The following RGS6 variants were observed in gnomAD, a reference collection of about 807,000 sequenced individuals.
RGS6 encodes regulator of G-protein signaling 6.
A neutral mutation model predicts 78.5 loss-of-function variants in RGS6; 30 were observed. That is an observed-to-expected ratio of 0.38 (90% CI 0.29 to 0.52). The LOEUF (loss-of-function observed/expected upper bound fraction) is 0.52. Among genes scored for constraint, RGS6 ranks in the 20% least tolerant of loss-of-function variants. The pLI is 0.85. For missense variants in RGS6, 495 were observed against 609.7 expected, an observed-to-expected ratio of 0.81 and a Z score of 1.98; for synonymous variants, 206 against 206.0, an observed-to-expected ratio of 1.00 and a Z score of 0.00.
At chr14:71,943,925 G>T (rs1244632169) in intron 1 of RGS6, among the ~76,000 whole-genome samples, 1 of 152,136 alleles carries the variant, frequency 6.6e-6, no homozygotes, top group African/African-American at 2.4e-5. Flanking sequence ...GAGTGTGGAT[G>T]CAAGGTGCAC....
At chr14:72,622,351 G>A in the RGS6 span, among the ~76,000 whole-genome samples, 1 of 152,130 alleles carries the variant, frequency 6.6e-6, no homozygotes, top group Admixed American at 6.5e-5. Flanking sequence ...ATGAAGACGA[G>A]CACACTGTAG....
At chr14:71,887,312 A>G in the RGS6 span, among the ~76,000 whole-genome samples, 3 of 152,208 alleles carry the variant, frequency 2.0e-5, no homozygotes, top group Non-Finnish European at 4.4e-5. Context: ...ATATGAAGTC[A>G]GCGCACCTTG....
intron 2 of RGS6, among the ~76,000 whole-genome samples, chr14:72,041,857 G>A (rs1047308284): frequency 6.6e-6 from 1 of 151,962 alleles, no homozygotes; most frequent in Admixed American, 6.5e-5. Flanking sequence ...TCACCTCCCA[G>A]GAAGATCAAA....
intron 3 of RGS6, among the ~76,000 whole-genome samples, chr14:72,449,234 T>A (rs1031949147): frequency 6.6e-6 from 1 of 152,204 alleles, no homozygotes. Flanking sequence ...AAAGAAAGTG[T>A]CTTTCCCCAA....
chr14:72,190,419 G>C (rs1020775464), intron 2 of RGS6, among the ~76,000 whole-genome samples: 1 of 152,198 alleles, frequency 6.6e-6, no homozygotes, highest in Non-Finnish European at 1.5e-5. Context: ...TGTGTTGTTG[G>C]AGACAGCTTT....
rs115003236 is a variant in RGS6 at position 72,083,847 on chromosome 14, T to C, written c.84+118972T>C. Among the ~76,000 whole-genome samples, 737 of 152,264 alleles carry C rather than the reference T, an allele frequency of 4.8e-3. 11 individuals carry two copies. Among genetic ancestry groups the C allele is most frequent in the African/African-American group, 0.017 (716 of 41,564 alleles). The stretch of plus-strand genomic sequence containing the variant: ...TGGGGAAAATGGCACGAATTAAACA[T>C]TGATTGCCCATCAGTCTTGTACTTG... On this transcript the variant is annotated intron_variant, in intron 2 of 17. Transcript: ENST00000553525.
intron 1 of RGS6, among the ~76,000 whole-genome samples, chr14:71,939,399 T>G (rs902432715): frequency 6.6e-6 from 1 of 152,174 alleles, no homozygotes; most frequent in Admixed American, 6.5e-5. Flanking sequence ...CTGGATCCAA[T>G]CAGCATAACG....
intron 2 of RGS6, among the ~76,000 whole-genome samples, chr14:71,994,042 G>C (rs918503783): frequency 1.3e-5 from 2 of 151,452 alleles, no homozygotes; most frequent in African/African-American, 2.4e-5. Flanking sequence ...GCCAATTCAG[G>C]GTTCTGCAAA....
intron 2 of RGS6, among the ~76,000 whole-genome samples, chr14:72,192,379 A>G (rs1042824913): frequency 6.7e-4 from 102 of 152,330 alleles, no homozygotes; most frequent in African/African-American, 2.4e-3. Flanking sequence ...AAAAGAAGCC[A>G]AGGAGGAAAG....
intron 17 of RGS6, among the ~76,000 whole-genome samples, chr14:72,559,049 C>T (rs1427682443): frequency 6.6e-6 from 1 of 152,212 alleles, no homozygotes; most frequent in African/African-American, 2.4e-5. Context: ...CCTGCTTCCT[C>T]TGTAACTATG....
At chr14:72,092,996 C>T (rs1374264079) in intron 2 of RGS6, among the ~76,000 whole-genome samples, 2 of 151,848 alleles carry the variant, frequency 1.3e-5, no homozygotes, top group African/African-American at 2.4e-5. Context: ...CTTAGACTTG[C>T]CTTGTTTCCA....
chr14:72,412,837 T>A lies in RGS6; in HGVS notation c.185-41691T>A, dbSNP rs544019567. ...CATTTTGTTATGTACCCAGTAGTCA[T>A]TCAGGAGCAGGTTGTTCAGTTTCCA... On this transcript the variant is annotated intron_variant, in intron 3 of 17. Transcript: ENST00000553525. Among the ~76,000 whole-genome samples, 363 of 152,332 alleles carry A rather than the reference T, an allele frequency of 2.4e-3. 1 individual carries two copies. The highest frequency in any genetic ancestry group is 4.2e-3 in the Non-Finnish European group (289 of 68,040).
intron 2 of RGS6, among the ~76,000 whole-genome samples, chr14:72,263,225 A>G (rs958855979): frequency 7.9e-5 from 12 of 152,250 alleles, no homozygotes; most frequent in Admixed American, 3.9e-4. Context: ...GTATAATTGT[A>G]TAATTGATAG....
intron 2 of RGS6, among the ~76,000 whole-genome samples, chr14:72,109,174 C>G (rs1365118073): frequency 6.6e-6 from 1 of 151,364 alleles, no homozygotes; most frequent in Admixed American, 6.6e-5. Context: ...TATTTTTTTC[C>G]CAGCAGCTTC....
chr14:72,607,062 C>A, the RGS6 span, among the ~76,000 whole-genome samples: 2 of 152,280 alleles, frequency 1.3e-5, no homozygotes, highest in Non-Finnish European at 2.9e-5. Context: ...AATGGACTAA[C>A]ACCCCCTCCC....
intron 2 of RGS6, among the ~76,000 whole-genome samples, chr14:71,997,751 A>G (rs1032134580): frequency 3.3e-5 from 5 of 152,212 alleles, no homozygotes; most frequent in African/African-American, 1.2e-4. Flanking sequence ...TACAGGTAGC[A>G]ATAGCTTTAC....
At chr14:72,579,867 G>A in the RGS6 span, among the ~76,000 whole-genome samples, 1 of 152,216 alleles carries the variant, frequency 6.6e-6, no homozygotes, top group African/African-American at 2.4e-5. Flanking sequence ...TGTTAGTGTG[G>A]ACTGGGGCCA....
intron 3 of RGS6, among the ~76,000 whole-genome samples, chr14:72,434,815 A>G (rs2094825248): frequency 2.0e-5 from 3 of 152,194 alleles, no homozygotes; most frequent in Admixed American, 2.0e-4. Context: ...ACATCTCTTG[A>G]GCCTCTGTGA....
At chr14:72,037,724 G>C in intron 2 of RGS6, among the ~76,000 whole-genome samples, 1 of 152,206 alleles carries the variant, frequency 6.6e-6, no homozygotes, top group African/African-American at 2.4e-5. Flanking sequence ...GGTATATGCA[G>C]CAGAGCAGAA....
Sources: gnomAD v4.1 joint callset for allele counts (sites outside exome capture counted in the v4.1 genomes callset) on GRCh38, gnomAD v4.1.1 for gene constraint, MANE v1.5 for transcripts, NCBI Gene and HGNC (gene_info 2026-07-23, HGNC 2026-07-21) for gene names.